The following JPH3 variants were observed in gnomAD, a reference collection of about 807,000 sequenced individuals.
JPH3 encodes the protein junctophilin 3.
In JPH3, 11 loss-of-function variants were observed where a neutral mutation model predicts 59.6. The ratio of observed to expected loss-of-function variants is 0.18; its 90% CI spans 0.12 to 0.31. The LOEUF (loss-of-function observed/expected upper bound fraction) is 0.31, where lower values mean the gene tolerates loss of function less well. Among genes scored for constraint, JPH3 ranks in the 10% least tolerant of loss-of-function variants. JPH3 has a pLI of 1.00. For synonymous variants in JPH3, 673 were observed against 483.6 expected (o/e 1.39, Z -5.14); for missense variants, 1,202 against 1,105.7 (o/e 1.09, Z -1.24).
At chr16:87,604,381 G>T in intron 1 of JPH3, 3 of 1,434,872 alleles carry the variant, frequency 2.1e-6, no homozygotes, top group South Asian at 2.4e-5. Flanking sequence ...CTGCCCGCCT[G>T]CCTGGACTCT....
At chr16:87,696,494 G>C (rs1251867025) in intron 4 of JPH3, 86 bp from the exon 5 acceptor site, 1 of 1,103,978 alleles carries the variant, frequency 9.1e-7, no homozygotes, top group Non-Finnish European at 1.4e-6. Context: ...CTGCTAGCTT[G>C]GTGAAAAGAC....
At position 87,684,171 on chromosome 16, in the gene JPH3, C is replaced by A. The variant is rs1479888825; in HGVS notation, c.1190C>A (p.Ala397Glu). Reference protein sequence around the residue: ...RTSHSRAKAEAALTAAQKAQE... With the variant: ...RTSHSRAKAEEALTAAQKAQE... ...TCCCACTCTCGGGCAAAGGCCGAGGCAGCCCTCACAGCAGCTCAGAAAGCC... is the reference window on the plus strand; with the variant it reads ...TCCCACTCTCGGGCAAAGGCCGAGGAAGCCCTCACAGCAGCTCAGAAAGCC... The change falls in exon 3 of 5, where the codon GCA becomes GAA. Residue 397 changes from alanine to glutamate, a missense_variant. Coordinates refer to ENST00000284262, the MANE Select transcript of JPH3 (RefSeq NM_020655.4). 1 of 1,613,698 alleles carries A rather than the reference C, an allele frequency of 6.2e-7. No individual in the cohort carries two copies. The highest frequency in any genetic ancestry group is 1.3e-5 in the African/African-American group (1 of 74,920).
At chr16:87,630,500 ACCCACG>A (rs1316578113) in intron 1 of JPH3, among the ~76,000 whole-genome samples, 1 of 145,788 alleles carries the variant, frequency 6.9e-6, no homozygotes, top group Non-Finnish European at 1.5e-5. Flanking sequence ...CTTCACCCAC[ACCCACG>A]TTGACAACGT....
At chr16:87,657,319 C>T (rs994963252) in intron 2 of JPH3, among the ~76,000 whole-genome samples, 17 of 152,150 alleles carry the variant, frequency 1.1e-4, no homozygotes, top group African/African-American at 4.1e-4. Context: ...CACAAAAGGA[C>T]AAATGTGGCA....
chr16:87,635,135 G>C (rs1297564366), intron 1 of JPH3, among the ~76,000 whole-genome samples: 2 of 152,162 alleles, frequency 1.3e-5, no homozygotes, highest in Non-Finnish European at 2.9e-5. Flanking sequence ...CTCCTGGGCA[G>C]GGCTGTGGCC....
At chr16:87,633,470 A>G (rs2031629883) in intron 1 of JPH3, among the ~76,000 whole-genome samples, 1 of 150,180 alleles carries the variant, frequency 6.7e-6, no homozygotes, top group African/African-American at 2.5e-5. Context: ...TCAGAACTCC[A>G]CTAAGATTAA....
chr16:87,688,708 G>T (rs955009767), intron 3 of JPH3, among the ~76,000 whole-genome samples: 17 of 152,180 alleles, frequency 1.1e-4, no homozygotes, highest in African/African-American at 3.6e-4. Context: ...CGGGGATGCT[G>T]GGGGCGGGGG....
chr16:87,633,898 ACC>A (rs763135825), intron 1 of JPH3, among the ~76,000 whole-genome samples: 11,683 of 151,714 alleles, frequency 0.077, 1,325 homozygotes, highest in African/African-American at 0.25. Context: ...ATAACCCCAA[ACC>A]CTTGCTTTTG....
chr16:87,678,891 G>A (rs1452349612), intron 2 of JPH3, among the ~76,000 whole-genome samples: 2 of 152,242 alleles, frequency 1.3e-5, no homozygotes, highest in East Asian at 3.8e-4. Context: ...CTGGAGAGAG[G>A]ATGGATGGGA....
At chr16:87,655,231 T>C (rs1381663267) in intron 2 of JPH3, among the ~76,000 whole-genome samples, 1 of 152,238 alleles carries the variant, frequency 6.6e-6, no homozygotes, top group East Asian at 1.9e-4. Context: ...GGGCTGCATA[T>C]TCGAGGCGCG....
At chr16:87,664,813 G>C (rs978580778) in intron 2 of JPH3, among the ~76,000 whole-genome samples, 4 of 152,088 alleles carry the variant, frequency 2.6e-5, no homozygotes, top group African/African-American at 7.2e-5. Context: ...GGGCCTGTGT[G>C]ACTTGCCCAG....
chr16:87,659,707 T>C (rs2150858265), intron 2 of JPH3, among the ~76,000 whole-genome samples: 1 of 152,076 alleles, frequency 6.6e-6, no homozygotes, highest in East Asian at 1.9e-4. Flanking sequence ...CACTCCAGCC[T>C]GGGCAACAAA....
intron 1 of JPH3, among the ~76,000 whole-genome samples, chr16:87,616,895 C>A (rs965770567): frequency 9.9e-5 from 15 of 152,200 alleles, no homozygotes; most frequent in Non-Finnish European, 1.5e-5. Flanking sequence ...CACTCAGCCT[C>A]ATTTGCTGGA....
At chr16:87,693,300 C>T (rs2033658391) in intron 4 of JPH3, among the ~76,000 whole-genome samples, 1 of 152,242 alleles carries the variant, frequency 6.6e-6, no homozygotes. Context: ...ACCCTCCTCT[C>T]TGAGCTGCAT....
intron 2 of JPH3, 52 bp from the exon 3 acceptor site, chr16:87,684,090 C>A: frequency 7.0e-7 from 1 of 1,423,652 alleles, no homozygotes; most frequent in Non-Finnish European, 9.9e-7. Context: ...AACCCAGACC[C>A]CTGTCACCTG....
rs1190815789 is a variant in JPH3, at chr16:87,627,232, T to G, written c.383-17026T>G. 9.9e-5 allele frequency among the ~76,000 whole-genome samples: 15 copies of G among 152,104 alleles called. 1 individual carries two copies. Among genetic ancestry groups the G allele is most frequent in the Admixed American group, 9.8e-4 (15 of 15,276 alleles). ...GCCCCTGGAGGTTGTTAAACCCACG[T>G]TGTGGGGCCCCAGCCCCCAGTTCCT... On this transcript the variant is annotated intron_variant, in intron 1 of 4. Transcript: ENST00000284262.
chr16:87,628,049 GCTGT>G (rs1383585988), intron 1 of JPH3, among the ~76,000 whole-genome samples: 3 of 152,238 alleles, frequency 2.0e-5, no homozygotes, highest in African/African-American at 4.8e-5. Context: ...ACCCTTATGT[GCTGT>G]GTCCTGTTCC....
At position 87,629,116 on chromosome 16, in the gene JPH3, G is replaced by A. The variant is rs563086996; in HGVS notation, c.383-15142G>A. On this transcript the variant is annotated intron_variant, in intron 1 of 4. Transcript: ENST00000284262. The stretch of plus-strand genomic sequence containing the variant: ...CTTGTTGCTGTGTGGCCTTGGGCAA[G>A]TGACTCACTTCTCTGAGCCTCTGTG... 2.6e-5 allele frequency among the ~76,000 whole-genome samples: 4 copies of A among 152,216 alleles called. No individual in the cohort carries two copies. In the East Asian group the frequency reaches 7.7e-4, roughly 29 times the overall value.
intron 2 of JPH3, among the ~76,000 whole-genome samples, chr16:87,669,754 G>A (rs573250861): frequency 6.6e-6 from 1 of 152,330 alleles, no homozygotes; most frequent in African/African-American, 2.4e-5. Flanking sequence ...CAGAAAAAGA[G>A]GAACGAAGGA....
Sources: gnomAD v4.1 joint callset for allele counts (sites outside exome capture counted in the v4.1 genomes callset) on GRCh38, gnomAD v4.1.1 for gene constraint, MANE v1.5 for transcripts, NCBI Gene and HGNC (gene_info 2026-07-23, HGNC 2026-07-21) for gene names.